USH2A: variants seen among roughly 807,000 people sequenced by gnomAD.
USH2A encodes the protein usherin, also known as Usher syndrome 2A (autosomal recessive, mild).
A neutral mutation model predicts 538.9 loss-of-function variants in USH2A; 443 were observed. The observed-to-expected ratio is 0.82, with a 90% confidence interval of 0.76 to 0.89. The LOEUF (loss-of-function observed/expected upper bound fraction) is 0.89. Among genes scored for constraint, USH2A ranks in the 40% least tolerant of loss-of-function variants. The probability of loss-of-function intolerance (pLI) is 0.00; values close to 1 mark genes in which losing one functional copy is unlikely to be tolerated. For missense variants in USH2A, 6,633 were observed against 6,324.8 expected (o/e 1.05, Z -1.65); for synonymous variants, 2,413 against 2,273.5 (o/e 1.06, Z -1.75).
At chr1:215,754,457 T>C (rs1189612825) in intron 58 of USH2A, among the ~76,000 whole-genome samples, 2 of 151,594 alleles carry the variant, frequency 1.3e-5, no homozygotes, top group South Asian at 2.1e-4. Flanking sequence ...CACATAGACA[T>C]TTTTTTTCCC....
chr1:216,066,696 T>A (rs887063503), intron 30 of USH2A, among the ~76,000 whole-genome samples: 6 of 152,198 alleles, frequency 3.9e-5, no homozygotes, highest in Non-Finnish European at 7.3e-5. Context: ...CCTAGAAGGA[T>A]TTTAAAGCAA....
intron 38 of USH2A, among the ~76,000 whole-genome samples, chr1:215,918,595 C>T (rs553452654): frequency 5.9e-5 from 9 of 152,020 alleles, no homozygotes; most frequent in South Asian, 4.1e-4. Flanking sequence ...TTGTTGTAGC[C>T]GCCTAAACGG....
chr1:215,703,949 C>T (rs951856668), intron 61 of USH2A, among the ~76,000 whole-genome samples: 2 of 152,168 alleles, frequency 1.3e-5, no homozygotes, highest in Non-Finnish European at 2.9e-5. Flanking sequence ...GTGGTGTAGG[C>T]ACCTGAGGGA....
At chr1:216,004,797 T>G (rs976541927) in intron 32 of USH2A, among the ~76,000 whole-genome samples, 19 of 152,184 alleles carry the variant, frequency 1.2e-4, no homozygotes, top group Non-Finnish European at 1.9e-4. Flanking sequence ...GCTGGAGTTT[T>G]GTCCTTGAAT....
chr1:216,256,026 T>C (rs2036253076), intron 11 of USH2A, among the ~76,000 whole-genome samples: 1 of 152,124 alleles, frequency 6.6e-6, no homozygotes, highest in South Asian at 2.1e-4. Context: ...TTCTAAAAAT[T>C]CATGTTTTCT....
Position 216,246,737 on chromosome 1 carries a change from C to T in USH2A, c.2657G>A (p.Arg886Lys). 6.2e-7 allele frequency: 1 copy of T among 1,614,096 alleles called. No homozygotes were observed. Among genetic ancestry groups the T allele is most frequent in the Non-Finnish European group, 8.5e-7 (1 of 1,179,984 alleles). ...GLRCNQCEPHRYNLTIDNFQH... is the reference protein window; with the variant it reads ...GLRCNQCEPHKYNLTIDNFQH... ...AAAATTGTCAATGGTCAAATTGTAC[C>T]TGTGAGGCTCACACTGATTACAGCG... The change falls in exon 13 of 72, where the codon AGG (arginine) becomes AAG (lysine). Residue 886 changes from arginine to lysine, a missense_variant. Physicochemically the swap from Arg to Lys is conservative, Grantham distance 26. Transcript: ENST00000307340.
At chr1:215,998,788 T>TC in intron 34 of USH2A, 99 bp downstream of exon 34, 1 of 1,228,488 alleles carries the variant, frequency 8.1e-7, no homozygotes, top group South Asian at 1.4e-5. Flanking sequence ...GATTTTGACT[T>TC]TTTTTTTTTT....
At chr1:216,207,249 C>T in intron 16 of USH2A, 24 bp downstream of exon 16, 1 of 1,613,436 alleles carries the variant, frequency 6.2e-7, no homozygotes, top group South Asian at 1.1e-5. Context: ...ATATTTATTT[C>T]TATTACCAAA....
At chr1:216,211,813 G>A (rs1250191538) in intron 15 of USH2A, among the ~76,000 whole-genome samples, 10 of 151,464 alleles carry the variant, frequency 6.6e-5, no homozygotes, top group East Asian at 3.9e-4. Context: ...CACTTTGATC[G>A]GTTGAACACT....
intron 30 of USH2A, among the ~76,000 whole-genome samples, chr1:216,063,372 C>T (rs184007717): frequency 6.6e-6 from 1 of 152,328 alleles, no homozygotes; most frequent in East Asian, 1.9e-4. Context: ...TGGTGACTCT[C>T]AATTCACATT....
chr1:215,879,299 T>G (rs1664851405), intron 41 of USH2A, among the ~76,000 whole-genome samples: 1 of 152,222 alleles, frequency 6.6e-6, no homozygotes, highest in Non-Finnish European at 1.5e-5. Flanking sequence ...AAATGCTGTT[T>G]CCTGGGTTTG....
Position 216,375,858 on chromosome 1 carries a change from C to T in USH2A, c.652-10773G>A, listed in dbSNP as rs186717945. On this transcript the variant is annotated intron_variant, in intron 3 of 71. Transcript: ENST00000307340. ...GAGAGGCCACTGTAGGGTTATTACT[C>T]GGTCTAATTTAATTTCAATATTGTT... Among the ~76,000 whole-genome samples, 553 of 152,124 alleles carry T rather than the reference C, an allele frequency of 3.6e-3. 2 individuals carry two copies. The highest frequency in any genetic ancestry group is 5.8e-3 in the South Asian group (28 of 4,828).
Position 215,647,645 on chromosome 1 carries a change from G to C in USH2A, c.14668C>G (p.Leu4890Val). 1 of 1,614,192 alleles carries C rather than the reference G, an allele frequency of 6.2e-7. No homozygotes were observed. The highest frequency in any genetic ancestry group is 8.5e-7 in the Non-Finnish European group (1 of 1,180,030). Residue 4890 changes from leucine (L) to valine (V), a missense_variant, in exon 67 of 72, where the codon CTG becomes GTG. Physicochemically the swap from Leu to Val is conservative, Grantham distance 32. Coordinates refer to ENST00000307340, the MANE Select transcript of USH2A (RefSeq NM_206933.4). ...PSQIETKYTG[L>V]GQKASLGGLQ... The stretch of plus-strand genomic sequence containing the variant: ...CCCCCAAGGCTGGCTTTCTGCCCCA[G>C]CCCCGTGTACTTTGTTTCTATTTGG...
chr1:215,952,739 C>T (rs568158212), intron 37 of USH2A, among the ~76,000 whole-genome samples: 2 of 152,250 alleles, frequency 1.3e-5, no homozygotes, highest in South Asian at 2.1e-4. Context: ...GAGTTTCTGC[C>T]GACAGATCAG....
intron 52 of USH2A, among the ~76,000 whole-genome samples, chr1:215,785,965 A>G (rs1242092872): frequency 1.3e-5 from 2 of 151,702 alleles, no homozygotes; most frequent in African/African-American, 4.8e-5. Flanking sequence ...ACACACACAC[A>G]CACAAACTTG....
intron 11 of USH2A, among the ~76,000 whole-genome samples, chr1:216,281,864 T>C (rs946293323): frequency 5.4e-5 from 6 of 111,218 alleles, no homozygotes; most frequent in Admixed American, 3.0e-4. Context: ...TGTTTTTGTC[T>C]GTTTTTTTTT....
chr1:216,298,267 G>A (rs774321489), intron 9 of USH2A, among the ~76,000 whole-genome samples: 4 of 152,310 alleles, frequency 2.6e-5, no homozygotes, highest in South Asian at 4.1e-4. Context: ...CTGGCTGTTT[G>A]AGTTTGGTAT....
At chr1:215,940,622 A>C (rs1322772853) in intron 37 of USH2A, among the ~76,000 whole-genome samples, 1 of 152,118 alleles carries the variant, frequency 6.6e-6, no homozygotes, top group Non-Finnish European at 1.5e-5. Flanking sequence ...ATTTATGGAC[A>C]TATGCCTACG....
At chr1:216,307,700 C>G (rs1357209513) in intron 9 of USH2A, among the ~76,000 whole-genome samples, 1 of 152,158 alleles carries the variant, frequency 6.6e-6, no homozygotes, top group Non-Finnish European at 1.5e-5. Flanking sequence ...ACCCAAGGAC[C>G]CTAGGAGACA....
Sources: allele counts gnomAD v4.1 joint callset (sites outside exome capture counted in the v4.1 genomes callset), GRCh38; gene constraint gnomAD v4.1.1; transcripts MANE v1.5; gene names NCBI Gene and HGNC (gene_info 2026-07-23, HGNC 2026-07-21).